MYO16: variants seen among roughly 807,000 people sequenced by gnomAD.
MYO16 encodes unconventional myosin-XVI.
In MYO16, 94 loss-of-function variants were observed where a neutral mutation model predicts 205.3. The ratio of observed to expected loss-of-function variants is 0.46; its 90% confidence interval spans 0.39 to 0.54. MYO16 has a LOEUF of 0.54. Among genes scored for constraint, MYO16 ranks in the 20% least tolerant of loss-of-function variants. MYO16 has a pLI of 0.00. For missense variants in MYO16, 2,315 were observed against 2,387.5 expected, an observed-to-expected ratio of 0.97 and a Z score of 0.63; for synonymous variants, 988 against 954.0, an observed-to-expected ratio of 1.04 and a Z score of -0.66.
chr13:108,971,757 G>T (rs1884021132), intron 20 of MYO16, among the ~76,000 whole-genome samples: 1 of 151,964 alleles, frequency 6.6e-6, no homozygotes, highest in South Asian at 2.1e-4. Flanking sequence ...TTTCTCATGA[G>T]TTAGTTATTT....
At chr13:108,557,715 A>C in the MYO16 span, among the ~76,000 whole-genome samples, 1 of 152,208 alleles carries the variant, frequency 6.6e-6, no homozygotes, top group Non-Finnish European at 1.5e-5. Context: ...GAAAACTTTT[A>C]ATTATATAAA....
intron 8 of MYO16, 59 bp from the exon 9 acceptor site, chr13:108,823,066 A>G: frequency 7.0e-7 from 1 of 1,437,922 alleles, no homozygotes; most frequent in Non-Finnish European, 9.5e-7. Flanking sequence ...GAAAGTAAAT[A>G]GATTTATGTG....
At chr13:109,111,448 A>G (rs1030922899) in intron 28 of MYO16, among the ~76,000 whole-genome samples, 1 of 152,188 alleles carries the variant, frequency 6.6e-6, no homozygotes, top group African/African-American at 2.4e-5. Flanking sequence ...TTTTTCCAGA[A>G]TACTGATATG....
At chr13:108,509,456 C>T in the MYO16 span, among the ~76,000 whole-genome samples, 1 of 152,194 alleles carries the variant, frequency 6.6e-6, no homozygotes, top group South Asian at 2.1e-4. Context: ...CTAAGGTTGA[C>T]TGTCGGATTG....
chr13:108,927,492 C>G (rs1882063396), intron 16 of MYO16, among the ~76,000 whole-genome samples: 1 of 152,162 alleles, frequency 6.6e-6, no homozygotes, highest in African/African-American at 2.4e-5. Context: ...CAATTAGGTG[C>G]AGTGGGAGCC....
chr13:108,836,719 G>A (rs1043407367), intron 9 of MYO16, among the ~76,000 whole-genome samples: 8 of 152,170 alleles, frequency 5.3e-5, no homozygotes, highest in Non-Finnish European at 1.2e-4. Flanking sequence ...GTTATGGAAC[G>A]TTAAGGTTTA....
At chr13:108,520,077 A>G in the MYO16 span, among the ~76,000 whole-genome samples, 2 of 152,064 alleles carry the variant, frequency 1.3e-5, no homozygotes, top group Admixed American at 6.5e-5. Context: ...AAGATAAAAC[A>G]TTTAACATTC....
the MYO16 span, among the ~76,000 whole-genome samples, chr13:108,538,365 TTA>T: frequency 6.6e-6 from 1 of 151,996 alleles, no homozygotes; most frequent in Non-Finnish European, 1.5e-5. Context: ...AAAACCAATG[TTA>T]AACAAGGTAA....
In MYO16 at chr13:108,977,326, G is replaced by A. The variant is rs751269668; in HGVS notation, c.2369+12424G>A. 7.9e-5 allele frequency among the ~76,000 whole-genome samples: 12 copies of A among 152,020 alleles called. 1 individual carries two copies. Among genetic ancestry groups the A allele is most frequent in the Non-Finnish European group, 1.3e-4 (9 of 68,012 alleles). ...ATTTTTTTTCTCAGTTACAAACAGC[G>A]CTGTATCCTCATACTTGTCTCTTGA... On this transcript the variant is annotated intron_variant, in intron 20 of 34. Coordinates refer to ENST00000457511, the MANE Select transcript of MYO16 (RefSeq NM_001198950.3).
intron 1 of MYO16, among the ~76,000 whole-genome samples, chr13:108,607,882 A>G (rs190444985): frequency 4.6e-5 from 7 of 151,988 alleles, no homozygotes; most frequent in Admixed American, 4.6e-4. Context: ...CTAAACCTTA[A>G]CTACTGGTTG....
chr13:109,192,400 C>G (rs1248146941), intron 34 of MYO16, among the ~76,000 whole-genome samples: 1 of 152,164 alleles, frequency 6.6e-6, no homozygotes, highest in African/African-American at 2.4e-5. Context: ...TCCTTCCTGA[C>G]ATCTGTTTTT....
chr13:108,873,881 T>C (rs1455976692), intron 12 of MYO16, among the ~76,000 whole-genome samples: 1 of 152,244 alleles, frequency 6.6e-6, no homozygotes, highest in East Asian at 1.9e-4. Flanking sequence ...TTTAAACATG[T>C]TACATGTAGG....
chr13:108,607,068 TAC>T (rs1878987360), intron 1 of MYO16, among the ~76,000 whole-genome samples: 1 of 152,212 alleles, frequency 6.6e-6, no homozygotes, highest in African/African-American at 2.4e-5. Flanking sequence ...CTGGTGTACT[TAC>T]CCAATGCCTG....
At chr13:108,597,836 T>C (rs1878616927) in intron 1 of MYO16, among the ~76,000 whole-genome samples, 1 of 152,212 alleles carries the variant, frequency 6.6e-6, no homozygotes, top group Admixed American at 6.5e-5. Context: ...TCTATATCTG[T>C]GGGATGGTTT....
rs1877069170 is a variant in MYO16, at chr13:109,141,162, C to T, written c.4950C>T (p.Pro1650=). The T allele has an allele frequency of 6.2e-7, 1 of 1,608,948 alleles. No individual in the cohort carries two copies. Among genetic ancestry groups the T allele is most frequent in the Non-Finnish European group, 8.5e-7 (1 of 1,177,736 alleles). The part of the protein sequence containing the change: ...PKPNSAPVAG[P]CSSFPKIPYS... ...CAAACTCTGCCCCCGTGGCCGGGCC[C>T]TGCAGCTCCTTCCCCAAGATCCCAT... The change falls in exon 32 of 35, where the codon CCC becomes CCT. Residue 1650 remains proline, a synonymous_variant. Coordinates refer to ENST00000457511, the MANE Select transcript of MYO16 (RefSeq NM_001198950.3). This position sits in a 1 kb window ranked among gnomAD's most constrained non-coding sequence, Gnocchi z 4.1.
chr13:108,694,576 GT>G (rs1453978483), intron 2 of MYO16, among the ~76,000 whole-genome samples: 1 of 152,090 alleles, frequency 6.6e-6, no homozygotes, highest in Non-Finnish European at 1.5e-5. Flanking sequence ...TTGTTCTGCA[GT>G]TCTAAGAGTT....
At chr13:108,568,625 T>G in the MYO16 span, among the ~76,000 whole-genome samples, 2 of 152,136 alleles carry the variant, frequency 1.3e-5, no homozygotes, top group Non-Finnish European at 2.9e-5. Context: ...TCTTCCATGG[T>G]GTGGGTTGTC....
rs1299900804 is a variant in MYO16 at position 109,117,450 on chromosome 13, ATATATATGTATGTG to A, written c.3439-2906_3439-2893del. On this transcript the variant is annotated intron_variant, in intron 28 of 34. Transcript: ENST00000457511. ...TGTGTATATATATGTATATATATGT[ATATATATGTATGTG>A]TATATATGTATGTATATGTATATAT... 9.4e-5 allele frequency among the ~76,000 whole-genome samples: 13 copies of A among 138,210 alleles called. 1 individual carries two copies. The highest frequency in any genetic ancestry group is 2.2e-4 in the African/African-American group (8 of 36,348). 90.7% of individuals were successfully genotyped at this position (138,210 alleles called of 152,430 possible).
chr13:109,023,740 T>C (rs192873123), intron 23 of MYO16, among the ~76,000 whole-genome samples: 3 of 57,068 alleles, frequency 5.3e-5, no homozygotes, highest in Non-Finnish European at 1.1e-4. Flanking sequence ...CATATATACA[T>C]ATATACGTAT....
Sources: allele counts gnomAD v4.1 joint callset (sites outside exome capture counted in the v4.1 genomes callset), GRCh38; gene constraint gnomAD v4.1.1; non-coding constraint Gnocchi (gnomAD v3.1); transcripts MANE v1.5; gene names NCBI Gene and HGNC (gene_info 2026-07-23, HGNC 2026-07-21).